The following ZNF620 variants were observed in gnomAD, a reference collection of about 807,000 sequenced individuals.
ZNF620 encodes the protein zinc finger protein 620.
In ZNF620, 10 loss-of-function variants were observed where a neutral mutation model predicts 13.3. The ratio of observed to expected loss-of-function variants is 0.75; its 90% CI spans 0.46 to 1.28. The LOEUF is 1.28. Ranked by LOEUF, ZNF620 falls within the 50% of genes most tolerant of loss-of-function variation. ZNF620 has a pLI of 0.00. For synonymous variants in ZNF620, 166 were observed against 177.6 expected (o/e 0.93, Z 0.52); for missense variants, 461 against 500.2 (o/e 0.92, Z 0.75).
At chr3:40,513,344 T>C (rs1219278928) in intron 4 of ZNF620, among the ~76,000 whole-genome samples, 3 of 113,078 alleles carry the variant, frequency 2.7e-5, no homozygotes, top group African/African-American at 9.8e-5. Flanking sequence ...TATATATATA[T>C]ATATATATAT....
chr3:40,507,648 G>T (rs996680558), intron 2 of ZNF620, among the ~76,000 whole-genome samples: 5 of 152,122 alleles, frequency 3.3e-5, no homozygotes, highest in African/African-American at 1.2e-4. Context: ...AAGAATTTAT[G>T]TAGAGTTGAC....
intron 2 of ZNF620, among the ~76,000 whole-genome samples, chr3:40,506,669 G>A (rs1698029468): frequency 6.6e-6 from 1 of 152,192 alleles, no homozygotes; most frequent in Admixed American, 6.5e-5. Context: ...CCGCAGGCTT[G>A]GAGAAGTACT....
intron 2 of ZNF620, among the ~76,000 whole-genome samples, chr3:40,507,912 C>CATCA (rs1466626909): frequency 6.6e-6 from 1 of 152,192 alleles, no homozygotes; most frequent in Non-Finnish European, 1.5e-5. Flanking sequence ...TACAGGCATG[C>CATCA]ATCACTACGC....
At chr3:40,513,142 C>T (rs1319208644) in intron 4 of ZNF620, among the ~76,000 whole-genome samples, 1 of 151,440 alleles carries the variant, frequency 6.6e-6, no homozygotes, top group African/African-American at 2.4e-5. Context: ...AGGTGAATAA[C>T]TTTCTCACTT....
chr3:40,516,872 A>G lies in ZNF620; in HGVS notation c.*9A>G, dbSNP rs371596638. ...CACCTGTCCAAGCATAGGGCTATCC[A>G]TAGTTAGGCCCACTGTGCCTCTCCT... On this transcript the variant is annotated 3_prime_UTR_variant, in exon 5 of 5. Coordinates refer to ENST00000314529, the MANE Select transcript of ZNF620 (RefSeq NM_175888.4). The G allele has an allele frequency of 6.3e-7, 1 of 1,578,618 alleles. No individual in the cohort carries two copies. Among genetic ancestry groups the G allele is most frequent in the South Asian group, 1.2e-5 (1 of 85,712 alleles).
In ZNF620 at chr3:40,506,625, T is replaced by C. The variant is rs148838877; in HGVS notation, c.24+249T>C. Among the ~76,000 whole-genome samples the C allele has an allele frequency of 4.4e-3, 669 of 152,288 alleles. 1 individual carries two copies. Among genetic ancestry groups the C allele is most frequent in the Middle Eastern group, 0.01 (3 of 294 alleles). Reference sequence around the variant, plus strand: ...AATTATGAAATGTGGAAATCTGCATTATTACATCCAATAAAGACCCCTTTC... The same window carrying C: ...AATTATGAAATGTGGAAATCTGCATCATTACATCCAATAAAGACCCCTTTC... On this transcript the variant is annotated intron_variant, in intron 2 of 4. Transcript: ENST00000314529.
chr3:40,511,785 G>C (rs1420565491), intron 3 of ZNF620, among the ~76,000 whole-genome samples, 189 bp downstream of exon 3: 2 of 151,854 alleles, frequency 1.3e-5, no homozygotes, highest in Non-Finnish European at 2.9e-5. Context: ...AGGTTCAAGC[G>C]ATTCTTCTGC....
At chr3:40,507,045 A>T (rs1281213868) in intron 2 of ZNF620, among the ~76,000 whole-genome samples, 2 of 136,770 alleles carry the variant, frequency 1.5e-5, no homozygotes, top group African/African-American at 2.7e-5. Flanking sequence ...TGGATGTTGG[A>T]TTTTGACAAT....
At position 40,516,964 on chromosome 3, in the gene ZNF620, TTCA is replaced by T; in HGVS notation, c.*106_*108del. ...GTCCTTCCTGGTTAGACACTTGGCT[TTCA>T]TCATGAACTCTTCTTTAAGTTTTTT... On this transcript the variant is annotated 3_prime_UTR_variant, in exon 5 of 5. Transcript: ENST00000314529. The T allele has an allele frequency of 7.4e-7, 1 of 1,354,796 alleles. No individual in the cohort carries two copies. The allele number at this position is 1,354,796 out of a possible 1,614,324, so 83.9% of individuals were successfully genotyped here.
In ZNF620 at chr3:40,516,865, G is replaced by T; in HGVS notation, c.*2G>T. On this transcript the variant is annotated 3_prime_UTR_variant, in exon 5 of 5. Coordinates refer to ENST00000314529, the MANE Select transcript of ZNF620 (RefSeq NM_175888.4). ...CAGAAGACACCTGTCCAAGCATAGG[G>T]CTATCCATAGTTAGGCCCACTGTGC... 1 of 1,589,574 alleles carries T rather than the reference G, an allele frequency of 6.3e-7. No individual in the cohort carries two copies. Among genetic ancestry groups the T allele is most frequent in the East Asian group, 2.2e-5 (1 of 44,512 alleles).
At chr3:40,509,510 G>A (rs1698132854) in intron 2 of ZNF620, among the ~76,000 whole-genome samples, 1 of 152,156 alleles carries the variant, frequency 6.6e-6, no homozygotes, top group Admixed American at 6.5e-5. Flanking sequence ...GGGATTACAT[G>A]CATGAGCCAC....
chr3:40,512,292 C>T, intron 3 of ZNF620, 110 bp from the exon 4 acceptor site: 1 of 886,588 alleles, frequency 1.1e-6, no homozygotes, highest in Non-Finnish European at 1.8e-6. Context: ...TTCTCCCTGA[C>T]TCACCTTGTC....
intron 4 of ZNF620, among the ~76,000 whole-genome samples, chr3:40,513,316 A>AAAAATATATATATATATAT (rs1193351404): frequency 4.8e-5 from 3 of 62,676 alleles, no homozygotes; most frequent in African/African-American, 2.6e-4. Context: ...AAAAAAAAAA[A>AAAAATATATATATATATAT]ATATATATAT....
In ZNF620 at chr3:40,517,041, AAAAC is replaced by A. The variant is rs1278691121; in HGVS notation, c.*191_*194del. 2.0e-5 allele frequency: 11 copies of A among 550,336 alleles called. No individual in the cohort carries two copies. The highest frequency in any genetic ancestry group is 3.7e-5 in the Admixed American group (1 of 27,184). The allele number at this position is 550,336 out of a possible 1,614,324, so 34.1% of individuals were successfully genotyped here. ...TCTCTTTATGGTTAGAGAAGACCAA[AAAAC>A]AAACAAACAAACTTAGAAACATAAA... On this transcript the variant is annotated 3_prime_UTR_variant, in exon 5 of 5. Coordinates refer to ENST00000314529, the MANE Select transcript of ZNF620 (RefSeq NM_175888.4).
In ZNF620 at chr3:40,506,285, T is replaced by C; in HGVS notation, c.-49-19T>C. The C allele has an allele frequency of 1.9e-6, 3 of 1,605,888 alleles. No homozygotes were observed. The highest frequency in any genetic ancestry group is 2.6e-6 in the Non-Finnish European group (3 of 1,174,068). ...GAGGCAGCATCAATCTCACCGGTGC[T>C]TCTTTATTTTCTCTTCAGTTTCACT... is the stretch of plus-strand genomic sequence containing the variant. On this transcript the variant is annotated intron_variant, in intron 1 of 4. Transcript: ENST00000314529.
chr3:40,512,222 A>C (rs116178101), intron 3 of ZNF620, among the ~76,000 whole-genome samples, 180 bp from the exon 4 acceptor site: 224 of 152,258 alleles, frequency 1.5e-3, no homozygotes, highest in African/African-American at 5.2e-3. Flanking sequence ...GCGTGGGATT[A>C]TTCTGGGACT....
At chr3:40,508,265 G>A (rs1233176712) in intron 2 of ZNF620, among the ~76,000 whole-genome samples, 13 of 151,462 alleles carry the variant, frequency 8.6e-5, no homozygotes, top group Admixed American at 7.2e-4. Context: ...TTTTAAGGGG[G>A]AAGCTGAAGT....
Position 40,516,324 on chromosome 3 carries a change from A to C in ZNF620, c.730A>C (p.Ile244Leu). ...RYNSLLIRHQ[I>L]IHTGKKPFKC... ...TAACTCATTACTTATTCGGCATCAG[A>C]TAATTCACACTGGAAAGAAACCATT... Residue 244 changes from isoleucine (I) to leucine (L), a missense_variant, in exon 5 of 5, where the codon ATA (isoleucine) becomes CTA (leucine). Ile to Leu is a conservative substitution (Grantham distance 5). Coordinates refer to ENST00000314529, the MANE Select transcript of ZNF620 (RefSeq NM_175888.4). 1 of 1,614,252 alleles carries C rather than the reference A, an allele frequency of 6.2e-7. No homozygotes were observed. Among genetic ancestry groups the C allele is most frequent in the Non-Finnish European group, 8.5e-7 (1 of 1,180,044 alleles).
At position 40,511,534 on chromosome 3, in the gene ZNF620, CTG is replaced by C. The variant is rs1698197816; in HGVS notation, c.92_93del (p.Val31AlafsTer60). Reference sequence around the variant, plus strand: ...CAGAATGAATGGGCCAGCCTGGACTCTGTGCAGAGGGCCCTGTACAGGGAAGT... The same window carrying C: ...CAGAATGAATGGGCCAGCCTGGACTCTGCAGAGGGCCCTGTACAGGGAAGT... On this transcript the variant is annotated frameshift_variant, in exon 3 of 5. Coordinates refer to ENST00000314529, the MANE Select transcript of ZNF620 (RefSeq NM_175888.4). LOFTEE classifies it high-confidence loss of function. 6.2e-7 allele frequency: 1 copy of C among 1,613,974 alleles called. No homozygotes were observed. Among genetic ancestry groups the C allele is most frequent in the Non-Finnish European group, 8.5e-7 (1 of 1,179,904 alleles).
Sources: gnomAD v4.1 joint callset for allele counts (sites outside exome capture counted in the v4.1 genomes callset) on GRCh38, gnomAD v4.1.1 for gene constraint, MANE v1.5 for transcripts, NCBI Gene and HGNC (gene_info 2026-07-23, HGNC 2026-07-21) for gene names.